The following PPP2R3A variants were observed in gnomAD, a reference collection of about 807,000 sequenced individuals.
PPP2R3A encodes protein phosphatase 2 regulatory subunit B''alpha.
A neutral mutation model predicts 106.9 loss-of-function variants in PPP2R3A; 80 were observed. The ratio of observed to expected loss-of-function variants is 0.75; its 90% CI spans 0.62 to 0.90. The LOEUF (loss-of-function observed/expected upper bound fraction) is 0.90. Ranked by LOEUF, PPP2R3A falls within the 40% of genes least tolerant of loss-of-function variation. The pLI is 0.00. For missense variants in PPP2R3A, 1,386 were observed against 1,350.4 expected (o/e 1.03, Z -0.41); for synonymous variants, 483 against 468.3 (o/e 1.03, Z -0.41).
At chr3:136,022,962 A>C in intron 2 of PPP2R3A, 1 of 1,544,570 alleles carries the variant, frequency 6.5e-7, no homozygotes, top group Admixed American at 2.2e-5. Flanking sequence ...TCTTTGGGAG[A>C]TAAGAAGAAA....
chr3:136,042,243 A>G (rs754530250), intron 4 of PPP2R3A, among the ~76,000 whole-genome samples: 1 of 152,226 alleles, frequency 6.6e-6, no homozygotes, highest in Non-Finnish European at 1.5e-5. Context: ...TTAGAACTAA[A>G]GAGTCTATGT....
At chr3:136,139,106 C>T (rs1938745718) in intron 13 of PPP2R3A, among the ~76,000 whole-genome samples, 1 of 152,096 alleles carries the variant, frequency 6.6e-6, no homozygotes, top group African/African-American at 2.4e-5. Flanking sequence ...TCCTTTGTCC[C>T]TGTAAATAGT....
At chr3:136,061,695 T>G (rs1293720710) in intron 5 of PPP2R3A, among the ~76,000 whole-genome samples, 2 of 151,640 alleles carry the variant, frequency 1.3e-5, no homozygotes, top group Admixed American at 1.3e-4. Flanking sequence ...CTGAGGCAGG[T>G]GGCTCACGAG....
intron 1 of PPP2R3A, among the ~76,000 whole-genome samples, chr3:135,988,623 A>T (rs1933025339): frequency 1.3e-5 from 2 of 152,236 alleles, no homozygotes; most frequent in South Asian, 4.1e-4. Context: ...TCTTGCTAAA[A>T]CATTCAAGCC....
At chr3:136,058,046 C>T (rs1210424664) in intron 5 of PPP2R3A, among the ~76,000 whole-genome samples, 2 of 152,084 alleles carry the variant, frequency 1.3e-5, no homozygotes, top group African/African-American at 4.8e-5. Context: ...CAGAATCAAC[C>T]TAAGTATCAG....
chr3:136,145,087 T>G lies in PPP2R3A; in HGVS notation c.3374T>G (p.Phe1125Cys), dbSNP rs112697007. The stretch of plus-strand genomic sequence containing the variant: ...GATGAACCTGCCTCTCCCTCTGAAT[T>G]TGGAAACAAAAGCAATAAAATATTA... ...ETDEPASPSE[F>C]GNKSNKILSA... Residue 1125 changes from phenylalanine to cysteine, a missense_variant, in exon 14 of 14, where the codon TTT becomes TGT. Phe to Cys is a radical substitution (Grantham distance 205, BLOSUM62 -2). Coordinates refer to ENST00000264977, the MANE Select transcript of PPP2R3A (RefSeq NM_002718.5). The G allele has an allele frequency of 5.6e-6, 9 of 1,613,784 alleles. No homozygotes were observed. Among genetic ancestry groups the G allele is most frequent in the Non-Finnish European group, 7.6e-6 (9 of 1,179,796 alleles).
chr3:135,996,480 G>A (rs6439610), intron 1 of PPP2R3A, among the ~76,000 whole-genome samples: 99,294 of 152,166 alleles, frequency 0.65, 34,335 homozygotes, highest in African/African-American at 0.88. Context: ...AGTGTCCACT[G>A]ATATGTAGAG....
chr3:136,075,974 A>G (rs767780587), intron 6 of PPP2R3A, among the ~76,000 whole-genome samples: 1 of 151,318 alleles, frequency 6.6e-6, no homozygotes, highest in Admixed American at 6.6e-5. Context: ...CTAAGAATAC[A>G]GTATTGAGTA....
chr3:136,099,628 A>G (rs751643989), intron 10 of PPP2R3A, among the ~76,000 whole-genome samples: 1 of 152,020 alleles, frequency 6.6e-6, no homozygotes, highest in East Asian at 1.9e-4. Context: ...CCCAAAAAAG[A>G]TGAAACAATA....
chr3:136,038,899 G>C (rs966417925), intron 3 of PPP2R3A, among the ~76,000 whole-genome samples: 1 of 152,158 alleles, frequency 6.6e-6, no homozygotes, highest in Non-Finnish European at 1.5e-5. Context: ...CCTCATTCTT[G>C]ACCCCAGTGG....
In PPP2R3A at chr3:136,065,071, A is replaced by G. The variant is rs188249441; in HGVS notation, c.2470-5407A>G. Among the ~76,000 whole-genome samples, 64 of 152,310 alleles carry G rather than the reference A, an allele frequency of 4.2e-4. 1 individual carries two copies. The East Asian group carries it at 0.012, about 28-fold the overall frequency. The stretch of plus-strand genomic sequence containing the variant: ...TATTATCCTATGTAAAAGGAAAGTA[A>G]GGAACTATGATGAATGAAAATTAGA... On this transcript the variant is annotated intron_variant, in intron 5 of 13. Transcript: ENST00000264977.
rs572525809 is a variant in PPP2R3A at position 136,089,607 on chromosome 3, T to G, written c.2838-971T>G. ...ATATGAATTTTAGAATGGTGTTGTT[T>G]TTTTTTTTTTCTTAAAAAAAAACTA... On this transcript the variant is annotated intron_variant, in intron 9 of 13. Transcript: ENST00000264977. Among the ~76,000 whole-genome samples, 505 of 151,880 alleles carry G rather than the reference T, an allele frequency of 3.3e-3. 4 individuals carry two copies. The highest frequency in any genetic ancestry group is 0.011 in the African/African-American group (457 of 41,428).
intron 13 of PPP2R3A, among the ~76,000 whole-genome samples, chr3:136,144,056 G>C (rs1391617864): frequency 6.6e-6 from 1 of 152,162 alleles, no homozygotes; most frequent in Non-Finnish European, 1.5e-5. Context: ...TATAGCCTCA[G>C]AATATTTATC....
At chr3:136,013,993 A>G (rs894600469) in intron 2 of PPP2R3A, among the ~76,000 whole-genome samples, 9 of 152,146 alleles carry the variant, frequency 5.9e-5, no homozygotes, top group African/African-American at 2.2e-4. Context: ...TAAGTCCTTG[A>G]TCCATCTTGA....
At chr3:135,992,545 G>A (rs943262589) in intron 1 of PPP2R3A, among the ~76,000 whole-genome samples, 1 of 152,028 alleles carries the variant, frequency 6.6e-6, no homozygotes, top group African/African-American at 2.4e-5. Context: ...GTGTAACACC[G>A]TTCTATAATT....
intron 13 of PPP2R3A, among the ~76,000 whole-genome samples, chr3:136,132,024 G>C (rs536236551): frequency 6.0e-5 from 9 of 150,876 alleles, no homozygotes; most frequent in Non-Finnish European, 1.2e-4. Context: ...GGGTGGGGGG[G>C]GCTGGGGGAG....
rs61756430 is a variant in PPP2R3A at position 136,003,283 on chromosome 3, G to A, written c.1785G>A (p.Leu595=). 3,941 of 1,613,854 alleles carry A rather than the reference G, an allele frequency of 2.4e-3. 12 individuals carry two copies. Among genetic ancestry groups the A allele is most frequent in the Non-Finnish European group, 2.6e-3 (3,082 of 1,179,894 alleles). ...ATCGAGCCCTCTTACTGCGAATCCT[G>A]GAAAGCATTGAAGACTTTGCTCAAG... The part of the protein sequence containing the change: ...EEDRALLLRI[L]ESIEDFAQEL... Residue 595 remains leucine, a synonymous_variant, in exon 2 of 14, where the codon CTG becomes CTA. Coordinates refer to ENST00000264977, the MANE Select transcript of PPP2R3A (RefSeq NM_002718.5).
intron 3 of PPP2R3A, among the ~76,000 whole-genome samples, chr3:136,037,522 C>G (rs575364134): frequency 1.2e-3 from 184 of 152,208 alleles, no homozygotes; most frequent in Non-Finnish European, 1.6e-3. Context: ...CCCCGCAGCT[C>G]CTGTCTTCTG....
At chr3:136,049,495 C>T (rs1935599135) in intron 5 of PPP2R3A, 134 bp downstream of exon 5, 1 of 564,612 alleles carries the variant, frequency 1.8e-6, no homozygotes, top group Non-Finnish European at 3.0e-6. Context: ...GGTTTTCAAA[C>T]TTGTTTTAGC....
Sources: gnomAD v4.1 joint callset for allele counts (sites outside exome capture counted in the v4.1 genomes callset) on GRCh38, gnomAD v4.1.1 for gene constraint, MANE v1.5 for transcripts, NCBI Gene and HGNC (gene_info 2026-07-23, HGNC 2026-07-21) for gene names.